RNF152: variants seen among roughly 807,000 people sequenced by gnomAD.
The protein encoded by RNF152 is E3 ubiquitin-protein ligase RNF152.
In RNF152, 11 loss-of-function variants were observed where a neutral mutation model predicts 12.7. That is an observed-to-expected ratio of 0.86 (90% CI 0.54 to 1.43). The LOEUF (loss-of-function observed/expected upper bound fraction) is 1.43. Ranked by LOEUF, RNF152 falls within the 40% of genes most tolerant of loss-of-function variation. The probability of loss-of-function intolerance (pLI) is 0.00; values close to 1 mark genes in which losing one functional copy is unlikely to be tolerated. For missense variants in RNF152, 255 were observed against 274.8 expected (o/e 0.93, Z 0.51); for synonymous variants, 113 against 120.3 (o/e 0.94, Z 0.40).
intron 1 of RNF152, among the ~76,000 whole-genome samples, chr18:61,876,493 A>G (rs1160310008): frequency 1.3e-5 from 2 of 152,240 alleles, no homozygotes; most frequent in East Asian, 1.9e-4. Flanking sequence ...ACTCTTTTTA[A>G]GCATCATATA....
Position 61,813,848 on chromosome 18 carries a change from T to C in RNF152, c.*2004A>G, listed in dbSNP as rs4520933. 0.55 allele frequency: 84,210 copies of C among 152,008 alleles called. 23,718 individuals are homozygous for C. Among genetic ancestry groups the C allele is most frequent in the Non-Finnish European group, 0.59 (40,087 of 67,966 alleles). The allele number at this position is 152,008 out of a possible 1,614,324, so 9.4% of individuals were successfully genotyped here. On this transcript the variant is annotated 3_prime_UTR_variant, in exon 2 of 2. Transcript: ENST00000312828. ...TAGAAATTAGGTCAGACATGCATTA[T>C]GGCAGCCTGGGAGAGTTTGAGAAAT...
At chr18:61,893,240 T>C (rs1034668686), upstream of RNF152, 2 of 152,194 alleles carry the variant, frequency 1.3e-5, no homozygotes, top group Admixed American at 6.5e-5. Flanking sequence ...AAAGACACAC[T>C]GGCAAAATCT....
In RNF152 at chr18:61,816,323, C is replaced by T. The variant is rs748199551; in HGVS notation, c.141G>A (p.Lys47=). The T allele has an allele frequency of 8.1e-6, 13 of 1,614,134 alleles. No individual in the cohort carries two copies. The Admixed American group carries it at 8.3e-5, about 10-fold the overall frequency. The change falls in exon 2 of 2, where the codon AAG becomes AAA. Residue 47 remains lysine, a synonymous_variant. Transcript: ENST00000312828. ...CGCGGCACCAGGGGCACCGCACATC[C>T]TTCTGGCTGGTCCTCATCTGCTGCA... ...VCLQQMRTSQ[K]DVRCPWCRGV...
intron 1 of RNF152, among the ~76,000 whole-genome samples, chr18:61,891,295 T>A (rs960268813): frequency 3.3e-5 from 5 of 152,222 alleles, no homozygotes; most frequent in African/African-American, 4.8e-5. Flanking sequence ...TTATTATGAT[T>A]TATTACTGTA....
intron 1 of RNF152, among the ~76,000 whole-genome samples, chr18:61,833,077 G>T (rs28525583): frequency 1.3e-5 from 2 of 151,960 alleles, no homozygotes; most frequent in African/African-American, 4.8e-5. Context: ...TTCCTCAGCT[G>T]TATCTACTAA....
chr18:61,868,672 T>C (rs1445646377), intron 1 of RNF152, among the ~76,000 whole-genome samples: 1 of 151,900 alleles, frequency 6.6e-6, no homozygotes, highest in East Asian at 1.9e-4. Flanking sequence ...ATTGCACTCC[T>C]GCCTGGGCAA....
At chr18:61,844,191 A>AAGGGAAGGAGGG (rs375491495) in intron 1 of RNF152, among the ~76,000 whole-genome samples, 2,178 of 58,736 alleles carry the variant, frequency 0.037, 108 homozygotes, top group African/African-American at 0.088. Context: ...GGAAGGAAGG[A>AAGGGAAGGAGGG]AGGGAAGGAG....
chr18:61,810,892 C>T lies in RNF152; in HGVS notation c.*4960G>A, dbSNP rs1912949985. ...CAGGGATGACAGACTGACTACCTGA[C>T]ACTTCTTATGTGGAAACAAAATGCT... is the stretch of plus-strand genomic sequence containing the variant. On this transcript the variant is annotated 3_prime_UTR_variant, in exon 2 of 2. Transcript: ENST00000312828. The T allele has an allele frequency of 6.6e-6, 1 of 152,186 alleles. No individual in the cohort carries two copies. Among genetic ancestry groups the T allele is most frequent in the Non-Finnish European group, 1.5e-5 (1 of 68,032 alleles). The allele number at this position is 152,186 out of a possible 1,614,324, so 9.4% of individuals were successfully genotyped here.
intron 1 of RNF152, among the ~76,000 whole-genome samples, chr18:61,873,250 T>G (rs914553831): frequency 6.6e-6 from 1 of 152,218 alleles, no homozygotes; most frequent in African/African-American, 2.4e-5. Flanking sequence ...CCAAGTATAT[T>G]AGCAATTTTT....
rs2144608761 is a variant in RNF152 at position 61,815,233 on chromosome 18, AG to A, written c.*618del. 1 of 152,790 alleles carries A rather than the reference AG, an allele frequency of 6.5e-6. No homozygotes were observed. The highest frequency in any genetic ancestry group is 1.9e-4 in the East Asian group (1 of 5,192). 9.5% of individuals were successfully genotyped at this position (152,790 alleles called of 1,614,324 possible). A position where few individuals can be genotyped will look rare whatever the true frequency, so the allele number is the denominator to read the frequency against. ...CTCTAATTACAAGTGAAGAAAATGA[AG>A]GTTCATGACAAAACACAACACATTG... On this transcript the variant is annotated 3_prime_UTR_variant, in exon 2 of 2. Coordinates refer to ENST00000312828, the MANE Select transcript of RNF152 (RefSeq NM_173557.3).
chr18:61,855,384 C>T (rs1043975815), intron 1 of RNF152, among the ~76,000 whole-genome samples: 6 of 152,234 alleles, frequency 3.9e-5, no homozygotes, highest in Admixed American at 2.0e-4. Flanking sequence ...ACTGCAGGGA[C>T]GCCAGCTGTA....
chr18:61,893,187 G>C (rs1913043636), upstream of RNF152: 1 of 152,256 alleles, frequency 6.6e-6, no homozygotes, highest in African/African-American at 2.4e-5. Context: ...TAAGCCCTAG[G>C]AAAGAAAGAA....
intron 1 of RNF152, among the ~76,000 whole-genome samples, chr18:61,877,641 AG>A (rs1456070386): frequency 1.3e-5 from 2 of 152,230 alleles, no homozygotes; most frequent in African/African-American, 4.8e-5. Flanking sequence ...CAAAATTATT[AG>A]GGTGGTAGGA....
At chr18:61,837,968 C>T (rs1485020689) in intron 1 of RNF152, among the ~76,000 whole-genome samples, 1 of 152,138 alleles carries the variant, frequency 6.6e-6, no homozygotes, top group African/African-American at 2.4e-5. Flanking sequence ...CAAGGGTCCA[C>T]ACACTCTTCA....
chr18:61,818,257 T>C (rs1207549164), intron 1 of RNF152, among the ~76,000 whole-genome samples: 1 of 151,894 alleles, frequency 6.6e-6, no homozygotes, highest in Non-Finnish European at 1.5e-5. Context: ...ACCCTATCTC[T>C]ACAAAAAATA....
At position 61,815,908 on chromosome 18, in the gene RNF152, C is replaced by T. The variant is rs779186934; in HGVS notation, c.556G>A (p.Val186Met). ...GAAATGCAAGACATGTTGTGAAGCA[C>T]GATGCCGAGGAGGAAGACCAAGACG... ...ACVLVFLLGI[V>M]LHNMSCISKR... Residue 186 changes from valine (V) to methionine (M), a missense_variant, in exon 2 of 2, where the codon GTG (valine) becomes ATG (methionine). By Grantham distance (21) the Val-to-Met change is conservative (BLOSUM62 1). Transcript: ENST00000312828. 2.2e-5 allele frequency: 35 copies of T among 1,614,080 alleles called. No homozygotes were observed. Among genetic ancestry groups the T allele is most frequent in the Non-Finnish European group, 2.7e-5 (32 of 1,180,048 alleles).
chr18:61,832,321 T>G (rs1340360721), intron 1 of RNF152, among the ~76,000 whole-genome samples: 2 of 152,174 alleles, frequency 1.3e-5, no homozygotes, highest in Admixed American at 6.5e-5. Context: ...TAAGCGCACA[T>G]GTATATATGT....
In RNF152 at chr18:61,848,420, G is replaced by GA. The variant is rs1167084052; in HGVS notation, c.-135-31823dup. On this transcript the variant is annotated intron_variant, in intron 1 of 1. Coordinates refer to ENST00000312828, the MANE Select transcript of RNF152 (RefSeq NM_173557.3). ...GGTTTATATGTCAAATATAATCAAAGAAAAAAAAATCAATACCACCCTGCT... is the reference window on the plus strand; with the variant it reads ...GGTTTATATGTCAAATATAATCAAAGAAAAAAAAAATCAATACCACCCTGCT... 6.0e-5 allele frequency among the ~76,000 whole-genome samples: 9 copies of GA among 151,162 alleles called. No individual in the cohort carries two copies. The East Asian group carries it at 1.4e-3, about 23-fold the overall frequency.
At chr18:61,855,291 T>C (rs531967820) in intron 1 of RNF152, among the ~76,000 whole-genome samples, 2 of 152,384 alleles carry the variant, frequency 1.3e-5, no homozygotes, top group South Asian at 4.1e-4. Flanking sequence ...AAAAGTTTAA[T>C]AAAATCAGGA....
Sources: allele counts gnomAD v4.1 joint callset (sites outside exome capture counted in the v4.1 genomes callset), GRCh38; gene constraint gnomAD v4.1.1; transcripts MANE v1.5; gene names NCBI Gene and HGNC (gene_info 2026-07-23, HGNC 2026-07-21).